Variants in DHTKD1 observed in about 807,000 individuals in gnomAD.
The protein encoded by DHTKD1 is 2-oxoadipate dehydrogenase complex component E1.
In DHTKD1, 78 loss-of-function variants were observed where a neutral mutation model predicts 101.8. That is an observed-to-expected ratio of 0.77 (90% CI 0.64 to 0.93). DHTKD1 has a LOEUF of 0.93. DHTKD1 is among the 40% of genes least tolerant of loss of function. The probability of loss-of-function intolerance (pLI) is 0.00; values close to 1 mark genes in which losing one functional copy is unlikely to be tolerated. For synonymous variants in DHTKD1, 462 were observed against 450.3 expected, an observed-to-expected ratio of 1.03 and a Z score of -0.33; for missense variants, 1,223 against 1,161.7, an observed-to-expected ratio of 1.05 and a Z score of -0.77.
rs373989683 is a variant in DHTKD1, at chr10:12,087,783, A to G, written c.717+54A>G. On this transcript the variant is annotated intron_variant, in intron 4 of 16. Transcript: ENST00000263035. This position sits in a 1 kb window ranked among gnomAD's most constrained non-coding sequence, Gnocchi z 5.2. ...GCACTATATGATTGATTGTAACAGA[A>G]TAAAACTGCTGGTTTCATTCTGGTG... 11 of 1,418,442 alleles carry G rather than the reference A, an allele frequency of 7.8e-6. No individual in the cohort carries two copies. The African/African-American group carries it at 1.3e-4, about 17-fold the overall frequency. The allele number at this position is 1,418,442 out of a possible 1,614,324, so 87.9% of individuals were successfully genotyped here.
intron 16 of DHTKD1, 114 bp from the exon 17 acceptor site, chr10:12,120,672 GA>G: frequency 1.1e-6 from 1 of 869,656 alleles, no homozygotes; most frequent in Non-Finnish European, 1.9e-6. Flanking sequence ...TTATTTGAAA[GA>G]GGTGATTTAT....
rs1313480598 is a variant in DHTKD1 at position 12,103,178 on chromosome 10, C to A, written c.1896+1997C>A. Among the ~76,000 whole-genome samples the A allele has an allele frequency of 6.6e-6, 1 of 152,096 alleles. No homozygotes were observed. Among genetic ancestry groups the A allele is most frequent in the Non-Finnish European group, 1.5e-5 (1 of 68,036 alleles). ...GCAGAGGTAGTGAGCGGAGATCATA[C>A]CACTGCCCTCCAGTTTGGGCAACAG... On this transcript the variant is annotated intron_variant, in intron 10 of 16. Coordinates refer to ENST00000263035, the MANE Select transcript of DHTKD1 (RefSeq NM_018706.7). This position sits in a 1 kb window ranked among gnomAD's most constrained non-coding sequence, Gnocchi z 4.8.
rs1833036102 is a variant in DHTKD1 at position 12,094,287 on chromosome 10, C to T, written c.1358+16C>T. 1 of 1,608,272 alleles carries T rather than the reference C, an allele frequency of 6.2e-7. No individual in the cohort carries two copies. Among genetic ancestry groups the T allele is most frequent in the African/African-American group, 1.3e-5 (1 of 74,806 alleles). On this transcript the variant is annotated intron_variant, in intron 7 of 16. Coordinates refer to ENST00000263035, the MANE Select transcript of DHTKD1 (RefSeq NM_018706.7). ...AAATCATCAGGTACAATTATAAACC[C>T]TTGTGTGATATGCCCCCTAAAAATT...
At position 12,085,621 on chromosome 10, in the gene DHTKD1, G is replaced by A. The variant is rs562634428; in HGVS notation, c.522+870G>A. Reference sequence around the variant, plus strand: ...TGACTGGGCACAGTGGCTCGCGCCTGTCATCCCAGCCCTTTGGGAGGCTTA... The same window carrying A: ...TGACTGGGCACAGTGGCTCGCGCCTATCATCCCAGCCCTTTGGGAGGCTTA... On this transcript the variant is annotated intron_variant, in intron 3 of 16. Coordinates refer to ENST00000263035, the MANE Select transcript of DHTKD1 (RefSeq NM_018706.7). Among the ~76,000 whole-genome samples, 11 of 152,262 alleles carry A rather than the reference G, an allele frequency of 7.2e-5. No homozygotes were observed. The South Asian group carries it at 1.2e-3, about 17-fold the overall frequency.
intron 12 of DHTKD1, among the ~76,000 whole-genome samples, chr10:12,109,222 C>T (rs1264392600): frequency 1.3e-5 from 2 of 151,872 alleles, no homozygotes; most frequent in African/African-American, 4.8e-5. Flanking sequence ...GCATGCATAT[C>T]GTTAATGATT....
chr10:12,117,468 A>G (rs957284745), intron 13 of DHTKD1, among the ~76,000 whole-genome samples: 4 of 152,038 alleles, frequency 2.6e-5, no homozygotes, highest in Admixed American at 2.6e-4. Context: ...CCAAAAGGCT[A>G]TCTTATGTAA....
rs1833197502 is a variant in DHTKD1, at chr10:12,103,222, A to G, written c.1896+2041A>G. 6.6e-6 allele frequency among the ~76,000 whole-genome samples: 1 copy of G among 152,292 alleles called. No homozygotes were observed. The highest frequency in any genetic ancestry group is 1.9e-4 in the East Asian group (1 of 5,154). On this transcript the variant is annotated intron_variant, in intron 10 of 16. Coordinates refer to ENST00000263035, the MANE Select transcript of DHTKD1 (RefSeq NM_018706.7). This position sits in a 1 kb window ranked among gnomAD's most constrained non-coding sequence, Gnocchi z 4.8. ...GCAACAGAGCAAGACTCTGTCTCAAATAATAATAAGAGTAATTTATTATTT... is the reference window on the plus strand; with the variant it reads ...GCAACAGAGCAAGACTCTGTCTCAAGTAATAATAAGAGTAATTTATTATTT...
intron 6 of DHTKD1, among the ~76,000 whole-genome samples, chr10:12,092,137 C>G (rs561241759): frequency 6.6e-6 from 1 of 152,012 alleles, no homozygotes; most frequent in South Asian, 2.1e-4. Flanking sequence ...GTGTACACCA[C>G]CACACCTGTC....
rs535890188 is a variant in DHTKD1, at chr10:12,121,627, G to C, written c.*739G>C. 2 of 152,372 alleles carry C rather than the reference G, an allele frequency of 1.3e-5. No individual in the cohort carries two copies. Among genetic ancestry groups the C allele is most frequent in the Admixed American group, 6.5e-5 (1 of 15,282 alleles). The allele number at this position is 152,372 out of a possible 1,614,324, so 9.4% of individuals were successfully genotyped here. A position where few individuals can be genotyped will look rare whatever the true frequency, so the allele number is the denominator to read the frequency against. Reference sequence around the variant, plus strand: ...ATATGAAAATTAGTTGGGTGTGGTGGCATGCGCTTGTAGTCTCAGCTACTC... The same window carrying C: ...ATATGAAAATTAGTTGGGTGTGGTGCCATGCGCTTGTAGTCTCAGCTACTC... On this transcript the variant is annotated 3_prime_UTR_variant, in exon 17 of 17. Coordinates refer to ENST00000263035, the MANE Select transcript of DHTKD1 (RefSeq NM_018706.7).
At chr10:12,088,787 GT>G (rs1832942711) in intron 4 of DHTKD1, among the ~76,000 whole-genome samples, 198 bp from the exon 5 acceptor site, 1 of 152,024 alleles carries the variant, frequency 6.6e-6, no homozygotes, top group Admixed American at 6.6e-5. Flanking sequence ...GTTTCACCAT[GT>G]TGGCCAGGCT....
intron 4 of DHTKD1, among the ~76,000 whole-genome samples, chr10:12,088,273 C>T (rs1263455502): frequency 1.3e-5 from 2 of 152,006 alleles, no homozygotes; most frequent in Non-Finnish European, 2.9e-5. Flanking sequence ...TGGGTAACCT[C>T]GCAAAACTCT....
intron 13 of DHTKD1, among the ~76,000 whole-genome samples, chr10:12,113,310 G>T (rs532265691): frequency 6.6e-6 from 1 of 152,160 alleles, no homozygotes; most frequent in Non-Finnish European, 1.5e-5. Flanking sequence ...CGATTCTCCC[G>T]CCTCAGCCTC....
At chr10:12,099,681 G>A (rs113885260) in intron 8 of DHTKD1, among the ~76,000 whole-genome samples, 5,549 of 151,824 alleles carry the variant, frequency 0.037, 162 homozygotes, top group South Asian at 0.075. Context: ...GAGTGAGACT[G>A]CCTCAGAAAA....
chr10:12,104,284 T>C (rs1833214161), intron 10 of DHTKD1, among the ~76,000 whole-genome samples: 1 of 152,098 alleles, frequency 6.6e-6, no homozygotes, highest in African/African-American at 2.4e-5. Context: ...GTTAAAGTGG[T>C]TCTCCCACCT....
intron 8 of DHTKD1, among the ~76,000 whole-genome samples, chr10:12,098,851 C>T (rs1445059911): frequency 6.6e-6 from 1 of 152,230 alleles, no homozygotes; most frequent in African/African-American, 2.4e-5. Context: ...AGGTGTGAGC[C>T]ACCATGCCTA....
At chr10:12,119,027 C>A in intron 15 of DHTKD1, 109 bp downstream of exon 15, 1 of 1,162,526 alleles carries the variant, frequency 8.6e-7, no homozygotes, top group South Asian at 1.9e-5. Context: ...GAATCTTGGG[C>A]CGGGCGCGGT....
chr10:12,069,179 G>C lies in DHTKD1; in HGVS notation c.146G>C (p.Arg49Pro). 2 of 1,551,078 alleles carry C rather than the reference G, an allele frequency of 1.3e-6. No homozygotes were observed. The highest frequency in any genetic ancestry group is 2.4e-5 in the South Asian group (2 of 84,712). The change falls in exon 1 of 17, where the codon CGC (arginine) becomes CCC (proline). Residue 49 changes from arginine (R) to proline (P), a missense_variant. Coordinates refer to ENST00000263035, the MANE Select transcript of DHTKD1 (RefSeq NM_018706.7). ...ESREPQGALE[R>P]PPVDHGLARL... ...CGCGAGCCCCAGGGCGCCCTGGAGCGCCCCCCAGGTCGGGGATGGGGCCCG... is the reference window on the plus strand; with the variant it reads ...CGCGAGCCCCAGGGCGCCCTGGAGCCCCCCCCAGGTCGGGGATGGGGCCCG...
intron 13 of DHTKD1, 59 bp downstream of exon 13, chr10:12,113,123 T>G: frequency 7.1e-7 from 1 of 1,400,704 alleles, no homozygotes; most frequent in Non-Finnish European, 9.7e-7. Context: ...ACTCCATTTT[T>G]CCCTATTTTC....
At chr10:12,086,891 A>G (rs1832911369) in intron 3 of DHTKD1, among the ~76,000 whole-genome samples, 1 of 152,014 alleles carries the variant, frequency 6.6e-6, no homozygotes, top group African/African-American at 2.4e-5. Flanking sequence ...GGGTTTCACC[A>G]TGTTGGCCAA....
Sources: allele counts gnomAD v4.1 joint callset (sites outside exome capture counted in the v4.1 genomes callset), GRCh38; gene constraint gnomAD v4.1.1; non-coding constraint Gnocchi (gnomAD v3.1); transcripts MANE v1.5; gene names NCBI Gene and HGNC (gene_info 2026-07-23, HGNC 2026-07-21).